RGS12: variants seen among roughly 807,000 people sequenced by gnomAD.
RGS12 encodes the protein regulator of G protein signaling 12.
A neutral mutation model predicts 120.1 loss-of-function variants in RGS12; 66 were observed. The observed-to-expected ratio is 0.55, with a 90% CI of 0.45 to 0.67. The LOEUF is 0.67. RGS12 is among the 30% of genes least tolerant of loss of function. The pLI is 0.00. For missense variants in RGS12, 1,859 were observed against 1,957.7 expected, an observed-to-expected ratio of 0.95 and a Z score of 0.95; for synonymous variants, 827 against 804.7, an observed-to-expected ratio of 1.03 and a Z score of -0.47.
chr4:3,400,741 C>G (rs1284816122), intron 4 of RGS12, among the ~76,000 whole-genome samples: 1 of 146,160 alleles, frequency 6.8e-6, no homozygotes, highest in Non-Finnish European at 1.5e-5. Context: ...TAGTAATACT[C>G]ATTAGTATTA....
Position 3,386,425 on chromosome 4 carries a change from G to A in RGS12, c.2008G>A (p.Val670Met), listed in dbSNP as rs1404893065. The A allele has an allele frequency of 5.6e-6, 9 of 1,612,448 alleles. No individual in the cohort carries two copies. The South Asian group carries it at 8.8e-5, about 16-fold the overall frequency. The change falls in exon 4 of 18, where the codon GTG becomes ATG. Residue 670 changes from valine to methionine, a missense_variant. Coordinates refer to ENST00000336727, the MANE Select transcript of RGS12 (RefSeq NM_001394154.1). ...CTCTCTTTTCTTTCAGTCTGCAACT[G>A]TGTCTGATGGCGGTAAGTCACAATT... ...RSLDDLESATVSDGELTGADL... is the reference protein window; with the variant it reads ...RSLDDLESATMSDGELTGADL...
chr4:3,439,395 G>GGGTTCCGGGGGCC, intron 17 of RGS12, 60 bp from the exon 18 acceptor site: 3 of 1,555,266 alleles, frequency 1.9e-6, no homozygotes, highest in Non-Finnish European at 2.7e-6. Context: ...GGTAGGGGGT[G>GGGTTCCGGGGGCC]GGTTCCGGGG....
chr4:3,368,198 CTG>C (rs1298097761), intron 3 of RGS12, among the ~76,000 whole-genome samples: 1 of 152,206 alleles, frequency 6.6e-6, no homozygotes, highest in African/African-American at 2.4e-5. Flanking sequence ...GCTCTGTAAA[CTG>C]TCAGTAGTGC....
chr4:3,365,646 G>A lies in RGS12; in HGVS notation c.1999-20770G>A, dbSNP rs749340099. On this transcript the variant is annotated intron_variant, in intron 3 of 17. Transcript: ENST00000336727. The surrounding 1 kb of genome is among the most constrained non-coding windows in gnomAD (Gnocchi z 4.0). ...TCACCTCTGGGACGACGTGCCGCAC[G>A]TCACATTGTGTAGGAATGAGATCCT... is the stretch of plus-strand genomic sequence containing the variant. Among the ~76,000 whole-genome samples, 7 of 152,150 alleles carry A rather than the reference G, an allele frequency of 4.6e-5. No homozygotes were observed. Among genetic ancestry groups the A allele is most frequent in the African/African-American group, 1.4e-4 (6 of 41,428 alleles).
At chr4:3,417,218 G>A in intron 8 of RGS12, 126 bp downstream of exon 8, 1 of 1,329,812 alleles carries the variant, frequency 7.5e-7, no homozygotes, top group Admixed American at 2.8e-5. Context: ...CTCCATGCTG[G>A]AAAGTTCCAG....
At position 3,366,426 on chromosome 4, in the gene RGS12, A is replaced by G. The variant is rs1716312544; in HGVS notation, c.1999-19990A>G. On this transcript the variant is annotated intron_variant, in intron 3 of 17. Transcript: ENST00000336727. The surrounding 1 kb of genome is among the most constrained non-coding windows in gnomAD (Gnocchi z 4.0). ...GGAGAGAATCAGGGCCTGTGCTCAT[A>G]TCTGTGAGCTCTGCAGATGTCTCCC... Among the ~76,000 whole-genome samples, 1 of 152,030 alleles carries G rather than the reference A, an allele frequency of 6.6e-6. No individual in the cohort carries two copies. The highest frequency in any genetic ancestry group is 2.1e-4 in the South Asian group (1 of 4,830).
chr4:3,287,474 A>G, the RGS12 span, among the ~76,000 whole-genome samples: 165 of 152,326 alleles, frequency 1.1e-3, no homozygotes, highest in African/African-American at 3.9e-3. Flanking sequence ...CGGGTCCCAC[A>G]GGAGGGGTTC....
rs1717351910 is a variant in RGS12, at chr4:3,374,044, A to G, written c.1999-12372A>G. Among the ~76,000 whole-genome samples, 1 of 152,198 alleles carries G rather than the reference A, an allele frequency of 6.6e-6. No individual in the cohort carries two copies. Among genetic ancestry groups the G allele is most frequent in the African/African-American group, 2.4e-5 (1 of 41,446 alleles). ...CCTTTCCCCTGGGTCCTGAGGAGGA[A>G]GGCAGCGAGCCCGCTTGGCGAGGCC... On this transcript the variant is annotated intron_variant, in intron 3 of 17. Coordinates refer to ENST00000336727, the MANE Select transcript of RGS12 (RefSeq NM_001394154.1). This position sits in a 1 kb window ranked among gnomAD's most constrained non-coding sequence, Gnocchi z 6.3.
chr4:3,367,965 C>A (rs558105043), intron 3 of RGS12, among the ~76,000 whole-genome samples: 3 of 152,222 alleles, frequency 2.0e-5, no homozygotes, highest in African/African-American at 7.2e-5. Context: ...TCTTCCTTTC[C>A]GTCCTCGATG....
At chr4:3,353,594 G>C (rs1010738273) in intron 3 of RGS12, among the ~76,000 whole-genome samples, 1 of 152,154 alleles carries the variant, frequency 6.6e-6, no homozygotes, top group African/African-American at 2.4e-5. Context: ...TAACCGTCTT[G>C]GTTTGAGTTG....
chr4:3,386,077 C>T (rs1718818109), intron 3 of RGS12: 1 of 331,830 alleles, frequency 3.0e-6, no homozygotes, highest in Non-Finnish European at 5.5e-6. Context: ...TGGCTGCCCC[C>T]AGTGTGTGTG....
intron 2 of RGS12, among the ~76,000 whole-genome samples, chr4:3,327,650 G>A (rs1725649411): frequency 1.3e-5 from 2 of 152,124 alleles, no homozygotes; most frequent in African/African-American, 4.8e-5. Context: ...ATATACAAAC[G>A]TTCAACAGGC....
intron 2 of RGS12, among the ~76,000 whole-genome samples, chr4:3,330,818 G>T (rs777179866): frequency 2.0e-5 from 3 of 152,316 alleles, no homozygotes; most frequent in Non-Finnish European, 4.4e-5. Context: ...TGTGGTTGCT[G>T]CTCTCCACAT....
At position 3,366,679 on chromosome 4, in the gene RGS12, G is replaced by C. The variant is rs140447879; in HGVS notation, c.1999-19737G>C. On this transcript the variant is annotated intron_variant, in intron 3 of 17. Transcript: ENST00000336727. This position sits in a 1 kb window ranked among gnomAD's most constrained non-coding sequence, Gnocchi z 4.0. ...CCCTCCAGGTCGAGCTGTGCGCCAG[G>C]CATGGCCGGAAAGCTCAGGAGGCCC... 6.6e-6 allele frequency among the ~76,000 whole-genome samples: 1 copy of C among 152,332 alleles called. No individual in the cohort carries two copies. The highest frequency in any genetic ancestry group is 1.5e-5 in the Non-Finnish European group (1 of 68,022).
At chr4:3,311,164 T>A (rs567620773) in intron 1 of RGS12, among the ~76,000 whole-genome samples, 1 of 152,222 alleles carries the variant, frequency 6.6e-6, no homozygotes, top group East Asian at 1.9e-4. Flanking sequence ...GCCCCCAGAC[T>A]CTCTCTGCCT....
intron 1 of RGS12, among the ~76,000 whole-genome samples, chr4:3,296,137 C>T (rs947499415): frequency 5.3e-5 from 8 of 152,168 alleles, no homozygotes; most frequent in South Asian, 2.1e-4. Flanking sequence ...CCTTGGCTCC[C>T]GGCTCCTGCC....
chr4:3,439,761 G>T lies in RGS12; in HGVS notation c.*77G>T. 7.4e-7 allele frequency: 1 copy of T among 1,344,898 alleles called. No homozygotes were observed. Among genetic ancestry groups the T allele is most frequent in the Non-Finnish European group, 9.9e-7 (1 of 1,010,614 alleles). The allele number at this position is 1,344,898 out of a possible 1,614,324, so 83.3% of individuals were successfully genotyped here. ...CAGGTGGATTCTGTGGGCCTCAGGGGGGCCACCCTGGCCACCACACCCTCA... is the reference window on the plus strand; with the variant it reads ...CAGGTGGATTCTGTGGGCCTCAGGGTGGCCACCCTGGCCACCACACCCTCA... On this transcript the variant is annotated 3_prime_UTR_variant, in exon 18 of 18. Transcript: ENST00000336727.
intron 3 of RGS12, among the ~76,000 whole-genome samples, chr4:3,348,055 C>T (rs189854205): frequency 2.0e-5 from 3 of 152,304 alleles, no homozygotes; most frequent in Non-Finnish European, 4.4e-5. Flanking sequence ...ATGAGAGATA[C>T]GTCCTTTGAG....
chr4:3,343,860 T>C (rs1713518360), intron 3 of RGS12, among the ~76,000 whole-genome samples: 1 of 152,258 alleles, frequency 6.6e-6, no homozygotes, highest in Non-Finnish European at 1.5e-5. Context: ...TGTCTTCTTA[T>C]TAATGTCTTA....
Sources: gnomAD v4.1 joint callset for allele counts (sites outside exome capture counted in the v4.1 genomes callset) on GRCh38, gnomAD v4.1.1 for gene constraint, Gnocchi (gnomAD v3.1) non-coding constraint, MANE v1.5 for transcripts, NCBI Gene and HGNC (gene_info 2026-07-23, HGNC 2026-07-21) for gene names.